The following MPP7 variants were observed in gnomAD, a reference collection of about 807,000 sequenced individuals.
MPP7 encodes the protein MAGUK p55 scaffold protein 7, also known as MAGUK p55 subfamily member 7.
In MPP7, 60 loss-of-function variants were observed where a neutral mutation model predicts 76.5. The ratio of observed to expected loss-of-function variants is 0.78; its 90% CI spans 0.64 to 0.97. The LOEUF is 0.97. MPP7 is among the 50% of genes least tolerant of loss of function. MPP7 has a pLI of 0.00. For synonymous variants in MPP7, 237 were observed against 244.5 expected, an observed-to-expected ratio of 0.97 and a Z score of 0.29; for missense variants, 641 against 694.0, an observed-to-expected ratio of 0.92 and a Z score of 0.86.
chr10:28,104,051 A>C (rs1435547253), intron 11 of MPP7, among the ~76,000 whole-genome samples: 1 of 152,212 alleles, frequency 6.6e-6, no homozygotes, highest in African/African-American at 2.4e-5. Flanking sequence ...TATAATTTTA[A>C]ATTATTTTAA....
At chr10:28,074,671 C>T (rs1289521576) in intron 12 of MPP7, among the ~76,000 whole-genome samples, 1 of 152,220 alleles carries the variant, frequency 6.6e-6, no homozygotes, top group Non-Finnish European at 1.5e-5. Context: ...CCTGAATCTT[C>T]ACTTCTCTTG....
chr10:28,309,508 AG>A (rs1554869751), intron 2 of MPP7, among the ~76,000 whole-genome samples: 1 of 152,076 alleles, frequency 6.6e-6, no homozygotes, highest in Non-Finnish European at 1.5e-5. Flanking sequence ...TCCTACAAGA[AG>A]GCTACTTTTT....
intron 6 of MPP7, among the ~76,000 whole-genome samples, chr10:28,129,201 GCACATTA>G (rs1300291724): frequency 9.9e-5 from 15 of 152,156 alleles, no homozygotes; most frequent in African/African-American, 3.6e-4. Flanking sequence ...AAAACACAGA[GCACATTA>G]CACGTGATAC....
intron 3 of MPP7, among the ~76,000 whole-genome samples, chr10:28,165,091 C>T (rs1337194652): frequency 6.6e-6 from 1 of 152,118 alleles, no homozygotes; most frequent in East Asian, 1.9e-4. Flanking sequence ...ACACAGAGAT[C>T]CCACCGTTCC....
chr10:28,090,665 G>A (rs1853251716), intron 11 of MPP7, among the ~76,000 whole-genome samples: 1 of 152,212 alleles, frequency 6.6e-6, no homozygotes, highest in South Asian at 2.1e-4. Context: ...TAGGGAGTGT[G>A]TAGTGTAGCG....
At chr10:28,214,377 A>T (rs1838241784) in intron 2 of MPP7, among the ~76,000 whole-genome samples, 1 of 152,136 alleles carries the variant, frequency 6.6e-6, no homozygotes, top group Non-Finnish European at 1.5e-5. Flanking sequence ...GAAAGATGAA[A>T]GAAGCATGGT....
chr10:28,216,010 A>G (rs914765386), intron 2 of MPP7, among the ~76,000 whole-genome samples: 3 of 152,142 alleles, frequency 2.0e-5, no homozygotes, highest in African/African-American at 7.2e-5. Context: ...AACAGACCCC[A>G]TGTATTGGGT....
intron 1 of MPP7, among the ~76,000 whole-genome samples, chr10:28,292,062 T>C (rs1458708990): frequency 6.6e-6 from 1 of 152,224 alleles, no homozygotes; most frequent in East Asian, 1.9e-4. Flanking sequence ...ATATTTTTAC[T>C]ATACTTTTTC....
chr10:28,239,692 C>G (rs1839202733), intron 1 of MPP7, among the ~76,000 whole-genome samples: 1 of 152,076 alleles, frequency 6.6e-6, no homozygotes, highest in Non-Finnish European at 1.5e-5. Flanking sequence ...CAATAACTAT[C>G]TTAACTAATG....
chr10:28,107,773 C>T (rs1456732063), intron 11 of MPP7, among the ~76,000 whole-genome samples: 1 of 152,188 alleles, frequency 6.6e-6, no homozygotes, highest in Non-Finnish European at 1.5e-5. Flanking sequence ...CCAGCCTGAA[C>T]AGATCCACCA....
chr10:28,133,579 T>G (rs1835261789), intron 5 of MPP7, among the ~76,000 whole-genome samples: 1 of 152,244 alleles, frequency 6.6e-6, no homozygotes, highest in Admixed American at 6.5e-5. Context: ...TGGCAAATAG[T>G]GTCTGTTTTA....
At chr10:28,187,784 T>G (rs1837285517) in intron 3 of MPP7, among the ~76,000 whole-genome samples, 1 of 152,188 alleles carries the variant, frequency 6.6e-6, no homozygotes, top group Admixed American at 6.5e-5. Flanking sequence ...GTGAGGAACT[T>G]AAAAGTGCTT....
chr10:28,245,650 G>A (rs540858142), intron 1 of MPP7, among the ~76,000 whole-genome samples: 2 of 147,176 alleles, frequency 1.4e-5, no homozygotes, highest in Admixed American at 6.8e-5. Context: ...ACAGATGGCC[G>A]CTTTTATCAC....
Position 28,120,342 on chromosome 10 carries a change from T to C in MPP7, c.739A>G (p.Ile247Val). ...GAAAGCCCAGCTTCCTTACATGGAA[T>C]TGCCTTATCCTCATTAGGATTATAG... ...FDYNPNEDKAIPCKEAGLSFK... is the reference protein window; with the variant it reads ...FDYNPNEDKAVPCKEAGLSFK... The change falls in exon 10 of 17, where the codon ATT (isoleucine) becomes GTT (valine). Residue 247 changes from isoleucine to valine, a missense_variant. By Grantham distance (29) the Ile-to-Val change is conservative. Transcript: ENST00000683449. The C allele has an allele frequency of 1.9e-6, 3 of 1,613,920 alleles. No individual in the cohort carries two copies. The highest frequency in any genetic ancestry group is 2.2e-5 in the East Asian group (1 of 44,888).
intron 3 of MPP7, among the ~76,000 whole-genome samples, chr10:28,177,260 CAAAAAAA>C (rs57984876): frequency 1.9e-5 from 2 of 104,180 alleles, no homozygotes; most frequent in Non-Finnish European, 3.7e-5. Context: ...ACTAAAAATG[CAAAAAAA>C]AAAAAAAAAA....
intron 13 of MPP7, among the ~76,000 whole-genome samples, chr10:28,067,388 C>T (rs767246421): frequency 8.6e-5 from 13 of 151,704 alleles, no homozygotes; most frequent in Non-Finnish European, 1.8e-4. Flanking sequence ...AATTAAATCA[C>T]GCTGGTTTGA....
intron 12 of MPP7, among the ~76,000 whole-genome samples, chr10:28,080,073 G>A (rs1267930449): frequency 7.8e-6 from 1 of 128,086 alleles, no homozygotes; most frequent in Non-Finnish European, 1.6e-5. Flanking sequence ...GGGGGAGGGG[G>A]AGGGAGGGAG....
intron 2 of MPP7, among the ~76,000 whole-genome samples, chr10:28,221,781 G>T (rs1028412211): frequency 6.6e-6 from 1 of 152,110 alleles, no homozygotes; most frequent in African/African-American, 2.4e-5. Context: ...GGAGCTCCCT[G>T]GGCAATATTT....
At chr10:28,062,253 C>A (rs1210300444) in intron 13 of MPP7, among the ~76,000 whole-genome samples, 3 of 151,862 alleles carry the variant, frequency 2.0e-5, no homozygotes, top group African/African-American at 7.3e-5. Context: ...TAAATGGCTG[C>A]CAGGTTTCTG....
Sources: allele counts gnomAD v4.1 joint callset (sites outside exome capture counted in the v4.1 genomes callset), GRCh38; gene constraint gnomAD v4.1.1; transcripts MANE v1.5; gene names NCBI Gene and HGNC (gene_info 2026-07-23, HGNC 2026-07-21).